LUZP2: variants seen among roughly 807,000 people sequenced by gnomAD.
LUZP2 encodes leucine zipper protein 2.
A neutral mutation model predicts 51.6 loss-of-function variants in LUZP2; 52 were observed. The ratio of observed to expected loss-of-function variants is 1.01; its 90% confidence interval spans 0.81 to 1.27. The LOEUF (loss-of-function observed/expected upper bound fraction) is 1.27, where lower values mean the gene tolerates loss of function less well. LUZP2 is among the 50% of genes most tolerant of loss of function. The pLI is 0.00. For missense variants in LUZP2, 436 were observed against 395.4 expected, an observed-to-expected ratio of 1.10 and a Z score of -0.87; for synonymous variants, 154 against 137.3, an observed-to-expected ratio of 1.12 and a Z score of -0.85.
intron 1 of LUZP2, among the ~76,000 whole-genome samples, chr11:24,601,703 A>G (rs948480275): frequency 9.9e-5 from 15 of 151,350 alleles, no homozygotes; most frequent in Admixed American, 7.9e-4. Flanking sequence ...AAATTAAATA[A>G]ATTCCATTTA....
At chr11:24,815,744 G>A (rs1191921423) in intron 5 of LUZP2, among the ~76,000 whole-genome samples, 1 of 152,080 alleles carries the variant, frequency 6.6e-6, no homozygotes, top group East Asian at 1.9e-4. Context: ...TTCATCGTGG[G>A]TTTTCAAGTA....
intron 1 of LUZP2, among the ~76,000 whole-genome samples, chr11:24,601,954 G>A (rs1035779521): frequency 1.5e-5 from 2 of 129,214 alleles, no homozygotes; most frequent in African/African-American, 6.3e-5. Flanking sequence ...ATGTATAAAT[G>A]TATATATGTA....
intron 1 of LUZP2, among the ~76,000 whole-genome samples, chr11:24,501,358 G>T (rs1000849526): frequency 2.6e-5 from 4 of 152,156 alleles, no homozygotes; most frequent in Non-Finnish European, 5.9e-5. Context: ...TCAAATATTT[G>T]ATTTGTCTGT....
intron 1 of LUZP2, among the ~76,000 whole-genome samples, chr11:24,543,559 G>A (rs899168301): frequency 1.3e-5 from 2 of 151,978 alleles, no homozygotes; most frequent in African/African-American, 4.8e-5. Flanking sequence ...GAGACAAATG[G>A]AATCAATGCC....
intron 1 of LUZP2, among the ~76,000 whole-genome samples, chr11:24,662,057 A>G (rs1036803089): frequency 1.3e-5 from 2 of 152,096 alleles, no homozygotes; most frequent in Non-Finnish European, 2.9e-5. Flanking sequence ...GCAAACAGGG[A>G]ATTTCAAATC....
chr11:25,082,602 A>G lies in LUZP2; in HGVS notation c.*3944A>G, dbSNP rs903111230. Reference sequence around the variant, plus strand: ...GATGAAGAATAAAAGATGCTGAAAGATGGCCTATTTTTGTTCAATAAAGAT... The same window carrying G: ...GATGAAGAATAAAAGATGCTGAAAGGTGGCCTATTTTTGTTCAATAAAGAT... On this transcript the variant is annotated 3_prime_UTR_variant, in exon 12 of 12. Transcript: ENST00000336930. 6.6e-6 allele frequency: 1 copy of G among 152,198 alleles called. No homozygotes were observed. Among genetic ancestry groups the G allele is most frequent in the African/African-American group, 2.4e-5 (1 of 41,454 alleles). 9.4% of individuals were successfully genotyped at this position (152,198 alleles called of 1,614,324 possible).
chr11:24,878,476 T>G (rs1852349120), intron 5 of LUZP2, among the ~76,000 whole-genome samples: 1 of 152,108 alleles, frequency 6.6e-6, no homozygotes, highest in Non-Finnish European at 1.5e-5. Flanking sequence ...AGGATCCTTT[T>G]GTTTTCCTGG....
intron 5 of LUZP2, among the ~76,000 whole-genome samples, chr11:24,765,623 TTTTTTC>T: frequency 6.9e-6 from 1 of 145,330 alleles, no homozygotes; most frequent in Non-Finnish European, 1.5e-5. Flanking sequence ...CTTTTTTTTC[TTTTTTC>T]TTTTTTTTTT....
At chr11:24,801,744 A>G (rs538038625) in intron 5 of LUZP2, among the ~76,000 whole-genome samples, 41 of 151,340 alleles carry the variant, frequency 2.7e-4, no homozygotes, top group Admixed American at 1.1e-3. Context: ...ACTTTCCTAA[A>G]TTTATTTATT....
At chr11:24,730,716 C>CA (rs1858683009) in intron 2 of LUZP2, among the ~76,000 whole-genome samples, 1 of 151,754 alleles carries the variant, frequency 6.6e-6, no homozygotes, top group Non-Finnish European at 1.5e-5. Flanking sequence ...TCAGTATTTA[C>CA]AATATTCCCA....
Position 25,072,337 on chromosome 11 carries a change from T to C in LUZP2, c.859-4992T>C, listed in dbSNP as rs147126619. Among the ~76,000 whole-genome samples the C allele has an allele frequency of 3.5e-3, 537 of 152,254 alleles. 2 individuals are homozygous for C. Among genetic ancestry groups the C allele is most frequent in the African/African-American group, 0.012 (519 of 41,566 alleles). On this transcript the variant is annotated intron_variant, in intron 10 of 11. Transcript: ENST00000336930. ...ACATCAAAGTCCTTGACTTTTTTTA[T>C]TGTTCTATTTTCAGTCAGTGCCTGG...
intron 9 of LUZP2, among the ~76,000 whole-genome samples, chr11:25,033,606 T>A (rs2133995044): frequency 6.6e-6 from 1 of 152,242 alleles, no homozygotes; most frequent in Admixed American, 6.6e-5. Context: ...CCACAGTGTC[T>A]ATAACTTCCG....
intron 1 of LUZP2, among the ~76,000 whole-genome samples, chr11:24,562,317 T>A (rs1852068543): frequency 6.6e-6 from 1 of 152,054 alleles, no homozygotes; most frequent in Admixed American, 6.6e-5. Context: ...AACTATAACA[T>A]CTTGTCCTAT....
chr11:25,030,958 A>T (rs1267139981), intron 9 of LUZP2, among the ~76,000 whole-genome samples: 1 of 1,410 alleles, frequency 7.1e-4, no homozygotes, highest in Non-Finnish European at 1.0e-3. Context: ...TATATATATA[A>T]TACAATATAT....
chr11:24,678,910 C>A lies in LUZP2; in HGVS notation c.63-50259C>A, dbSNP rs931297044. Reference sequence around the variant, plus strand: ...TTCTGCAAAATAAGATATAGTGCTGCGTCCAGGCATCCAAGCCTGCACCGC... The same window carrying A: ...TTCTGCAAAATAAGATATAGTGCTGAGTCCAGGCATCCAAGCCTGCACCGC... On this transcript the variant is annotated intron_variant, in intron 1 of 11. Coordinates refer to ENST00000336930, the MANE Select transcript of LUZP2 (RefSeq NM_001009909.4). 2.0e-5 allele frequency among the ~76,000 whole-genome samples: 3 copies of A among 152,206 alleles called. No homozygotes were observed. The East Asian group carries it at 5.8e-4, about 29-fold the overall frequency.
chr11:24,753,192 A>C (rs1859655954), intron 4 of LUZP2, among the ~76,000 whole-genome samples: 2 of 152,174 alleles, frequency 1.3e-5, no homozygotes, highest in Admixed American at 1.3e-4. Context: ...ATATCTTAAA[A>C]ATACAATTGA....
At chr11:24,648,696 C>T (rs1029725720) in intron 1 of LUZP2, among the ~76,000 whole-genome samples, 4 of 151,728 alleles carry the variant, frequency 2.6e-5, no homozygotes, top group Non-Finnish European at 5.9e-5. Context: ...GAGTAATGAT[C>T]CTGAGAACTG....
At chr11:25,044,020 C>CTGATATATATAGAGTCTATATATATA (rs1314995271) in intron 9 of LUZP2, among the ~76,000 whole-genome samples, 7 of 133,520 alleles carry the variant, frequency 5.2e-5, no homozygotes, top group Non-Finnish European at 1.1e-4. Context: ...CTATATATAT[C>CTGATATATATAGAGTCTATATATATA]TGATATATAT....
chr11:24,951,878 C>G (rs990682758), intron 7 of LUZP2, among the ~76,000 whole-genome samples: 5 of 151,658 alleles, frequency 3.3e-5, no homozygotes, highest in African/African-American at 1.2e-4. Flanking sequence ...ATGATTAGTT[C>G]ATTATATTCT....
Sources: allele counts gnomAD v4.1 joint callset (sites outside exome capture counted in the v4.1 genomes callset), GRCh38; gene constraint gnomAD v4.1.1; transcripts MANE v1.5; gene names NCBI Gene and HGNC (gene_info 2026-07-23, HGNC 2026-07-21).